The following APCDD1L variants were observed in gnomAD, a reference collection of about 807,000 sequenced individuals.
APCDD1L encodes protein APCDD1-like.
APCDD1L carries 21 observed loss-of-function variants against 24.2 expected under a neutral mutation model. That is an observed-to-expected ratio of 0.87 (90% CI 0.61 to 1.25). The LOEUF (loss-of-function observed/expected upper bound fraction) is 1.25, where lower values mean the gene tolerates loss of function less well. APCDD1L is among the 50% of genes most tolerant of loss of function. APCDD1L has a pLI of 0.00. For synonymous variants in APCDD1L, 321 were observed against 323.6 expected (o/e 0.99, Z 0.09); for missense variants, 704 against 711.7 (o/e 0.99, Z 0.12).
rs1012049420 is a variant in APCDD1L at position 58,467,748 on chromosome 20, C to A, written c.189-90G>T. Reference sequence around the variant, plus strand: ...TCTGGGCTGGGCTCCTTTCTCCCCCCCAGCCCTCCTCTTAGTCCTCAGCTC... The same window carrying A: ...TCTGGGCTGGGCTCCTTTCTCCCCCACAGCCCTCCTCTTAGTCCTCAGCTC... On this transcript the variant is annotated intron_variant, in intron 2 of 3. Transcript: ENST00000371149. This position sits in a 1 kb window ranked among gnomAD's most constrained non-coding sequence, Gnocchi z 5.9. 7.0e-6 allele frequency: 9 copies of A among 1,288,594 alleles called. No homozygotes were observed. In the East Asian group the frequency reaches 2.8e-4, roughly 40 times the overall value. 79.8% of individuals were successfully genotyped at this position (1,288,594 alleles called of 1,614,324 possible).
At chr20:58,470,492 A>C in intron 2 of APCDD1L, 117 bp downstream of exon 2, 1 of 1,366,546 alleles carries the variant, frequency 7.3e-7, no homozygotes, top group Admixed American at 2.7e-5. Flanking sequence ...CTTGGCAGGT[A>C]GAAGGCCTCT....
At chr20:58,470,861 C>G in intron 1 of APCDD1L, 114 bp from the exon 2 acceptor site, 1 of 1,396,776 alleles carries the variant, frequency 7.2e-7, no homozygotes, top group Non-Finnish European at 9.4e-7. Flanking sequence ...GTCCCGCAAC[C>G]TCCATCGCAG....
At chr20:58,513,107 G>A (rs1990660460) in intron 1 of APCDD1L, among the ~76,000 whole-genome samples, 1 of 152,172 alleles carries the variant, frequency 6.6e-6, no homozygotes, top group African/African-American at 2.4e-5. Context: ...AGGTTCCTGG[G>A]GCATGTGTCC....
intron 1 of APCDD1L, among the ~76,000 whole-genome samples, chr20:58,485,373 G>A (rs1261512482): frequency 6.6e-6 from 1 of 152,152 alleles, no homozygotes; most frequent in Non-Finnish European, 1.5e-5. Flanking sequence ...TAGATCTTGG[G>A]CCACACTGGA....
At chr20:58,513,181 ATGGACAC>A (rs1990663081) in intron 1 of APCDD1L, among the ~76,000 whole-genome samples, 2 of 152,130 alleles carry the variant, frequency 1.3e-5, no homozygotes, top group African/African-American at 4.8e-5. Context: ...ATGAGAGCAG[ATGGACAC>A]CCGGTTTCCC....
intron 1 of APCDD1L, among the ~76,000 whole-genome samples, chr20:58,498,887 C>T (rs913681723): frequency 6.6e-6 from 1 of 152,250 alleles, no homozygotes; most frequent in African/African-American, 2.4e-5. Context: ...GGGCACCTGC[C>T]TCACATCTCT....
intron 1 of APCDD1L, among the ~76,000 whole-genome samples, chr20:58,480,437 C>G (rs555650381): frequency 6.6e-6 from 1 of 152,196 alleles, no homozygotes; most frequent in African/African-American, 2.4e-5. Flanking sequence ...ACTGGCCCCC[C>G]AGTTCTCCAT....
At chr20:58,510,974 C>T (rs1324130445) in intron 1 of APCDD1L, among the ~76,000 whole-genome samples, 1 of 152,200 alleles carries the variant, frequency 6.6e-6, no homozygotes, top group Non-Finnish European at 1.5e-5. Context: ...CTTTCTTCCC[C>T]AGGTCTGGAG....
At chr20:58,501,140 A>T (rs1196243922) in intron 1 of APCDD1L, among the ~76,000 whole-genome samples, 1 of 152,216 alleles carries the variant, frequency 6.6e-6, no homozygotes, top group Non-Finnish European at 1.5e-5. Context: ...TGGACAAGTC[A>T]TTCCCTTGAA....
At chr20:58,475,603 G>A (rs1479901067) in intron 1 of APCDD1L, among the ~76,000 whole-genome samples, 4 of 152,158 alleles carry the variant, frequency 2.6e-5, no homozygotes, top group Non-Finnish European at 5.9e-5. Context: ...GACGGAGGGA[G>A]GAGCAGCTCA....
intron 2 of APCDD1L, among the ~76,000 whole-genome samples, chr20:58,468,087 C>T (rs1224566771): frequency 6.6e-6 from 1 of 152,164 alleles, no homozygotes; most frequent in African/African-American, 2.4e-5. Context: ...TCTCTAGGCT[C>T]ACTGCCCTGA....
intron 1 of APCDD1L, among the ~76,000 whole-genome samples, chr20:58,473,946 A>T (rs972040802): frequency 6.6e-5 from 10 of 152,214 alleles, no homozygotes; most frequent in Non-Finnish European, 8.8e-5. Flanking sequence ...TTAAAATATG[A>T]CCTGCTTGAG....
chr20:58,482,773 A>G (rs1990047491), intron 1 of APCDD1L, among the ~76,000 whole-genome samples: 1 of 152,198 alleles, frequency 6.6e-6, no homozygotes, highest in African/African-American at 2.4e-5. Context: ...TCAGAAGGGA[A>G]AGCCTGACAG....
intron 3 of APCDD1L, among the ~76,000 whole-genome samples, chr20:58,466,836 C>T (rs1989714802): frequency 6.6e-6 from 1 of 152,204 alleles, no homozygotes; most frequent in African/African-American, 2.4e-5. Context: ...GCAGTGCCCA[C>T]GAGGACAGGG....
chr20:58,507,840 G>A (rs1030012203), intron 1 of APCDD1L, among the ~76,000 whole-genome samples: 1 of 152,208 alleles, frequency 6.6e-6, no homozygotes, highest in African/African-American at 2.4e-5. Flanking sequence ...GCACAAACAT[G>A]TGACCAGGCA....
In APCDD1L at chr20:58,460,815, C is replaced by T; in HGVS notation, c.1481G>A (p.Gly494Glu). 1 of 1,530,876 alleles carries T rather than the reference C, an allele frequency of 6.5e-7. No individual in the cohort carries two copies. 94.8% of individuals were successfully genotyped at this position (1,530,876 alleles called of 1,614,324 possible). Residue 494 changes from glycine to glutamate, a missense_variant, in exon 4 of 4, where the codon GGG becomes GAG. Transcript: ENST00000371149. The surrounding 1 kb of genome is among the most constrained non-coding windows in gnomAD (Gnocchi z 4.2). ...TCATAGCCAGTGGAGGAAGGCCAGCCCTAGAACTAGGGGCAGAAGTGGGAA... is the reference window on the plus strand; with the variant it reads ...TCATAGCCAGTGGAGGAAGGCCAGCTCTAGAACTAGGGGCAGAAGTGGGAA... ...APFPLLPLVL[G>E]LAFLHWL
rs1176835361 is a variant in APCDD1L, at chr20:58,467,202, C to A, written c.645G>T (p.Leu215=). The A allele has an allele frequency of 6.2e-7, 1 of 1,604,616 alleles. No homozygotes were observed. The highest frequency in any genetic ancestry group is 2.2e-5 in the East Asian group (1 of 44,798). The change falls in exon 3 of 4, where the codon CTG becomes CTT. Residue 215 remains leucine, a synonymous_variant. Transcript: ENST00000371149. This position sits in a 1 kb window ranked among gnomAD's most constrained non-coding sequence, Gnocchi z 5.9. ...LQPQPRASPR[L]VEELYLGDIH... is the part of the protein sequence containing the mutation. ...TGTCCCCCAGGTACAGCTCCTCCAC[C>A]AGCCGGGGCGACGCCCGGGGCTGCG...
intron 1 of APCDD1L, among the ~76,000 whole-genome samples, chr20:58,504,295 G>A (rs1225411455): frequency 6.6e-6 from 1 of 152,118 alleles, no homozygotes; most frequent in East Asian, 1.9e-4. Context: ...AGGTCTTCTT[G>A]CCTCTGAGAC....
intron 1 of APCDD1L, among the ~76,000 whole-genome samples, chr20:58,496,567 C>T (rs993403151): frequency 6.6e-6 from 1 of 152,214 alleles, no homozygotes. Context: ...GCTCCGTGGG[C>T]CTGAGCAACG....
Sources: gnomAD v4.1 joint callset for allele counts (sites outside exome capture counted in the v4.1 genomes callset) on GRCh38, gnomAD v4.1.1 for gene constraint, Gnocchi (gnomAD v3.1) non-coding constraint, MANE v1.5 for transcripts, NCBI Gene and HGNC (gene_info 2026-07-23, HGNC 2026-07-21) for gene names.